Variants in FNTB observed in about 807,000 individuals in gnomAD.
FNTB encodes protein farnesyltransferase subunit beta.
Under a neutral mutation model 59.4 loss-of-function variants are expected in FNTB, and 27 were observed. The ratio of observed to expected loss-of-function variants is 0.45; its 90% CI spans 0.34 to 0.63. The LOEUF is 0.63. Among genes scored for constraint, FNTB ranks in the 20% least tolerant of loss-of-function variants. The pLI is 0.02. For synonymous variants in FNTB, 230 were observed against 220.7 expected, an observed-to-expected ratio of 1.04 and a Z score of -0.37; for missense variants, 449 against 559.6, an observed-to-expected ratio of 0.80 and a Z score of 1.99.
intron 3 of FNTB, among the ~76,000 whole-genome samples, chr14:65,015,002 G>T (rs147667260): frequency 0.015 from 2,332 of 152,084 alleles, 24 homozygotes; most frequent in Middle Eastern, 0.027. Flanking sequence ...CTCCTGGCCT[G>T]TAGGAAGTCC....
At chr14:64,989,902 A>T (rs1888124158) in intron 1 of FNTB, among the ~76,000 whole-genome samples, 1 of 152,066 alleles carries the variant, frequency 6.6e-6, no homozygotes. Flanking sequence ...ACACCTTGGG[A>T]TAGAGGGGAT....
In FNTB at chr14:65,007,430, C is replaced by T. The variant is rs1186358889; in HGVS notation, c.209+3117C>T. On this transcript the variant is annotated intron_variant, in intron 2 of 11. Transcript: ENST00000246166. The surrounding 1 kb of genome is among the most constrained non-coding windows in gnomAD (Gnocchi z 4.9). ...CACACACATGCCCAGGACCACAGACCACGCACAGGTCCAGGGATGCCTGTG... is the reference window on the plus strand; with the variant it reads ...CACACACATGCCCAGGACCACAGACTACGCACAGGTCCAGGGATGCCTGTG... Among the ~76,000 whole-genome samples, 2 of 152,208 alleles carry T rather than the reference C, an allele frequency of 1.3e-5. No homozygotes were observed. Among genetic ancestry groups the T allele is most frequent in the Admixed American group, 6.5e-5 (1 of 15,292 alleles).
At chr14:65,053,422 T>G in intron 10 of FNTB, 73 bp downstream of exon 10, 1 of 1,222,568 alleles carries the variant, frequency 8.2e-7, no homozygotes, top group African/African-American at 1.6e-5. Context: ...TCAGGCCTAC[T>G]CAGAGCCAGA....
intron 1 of FNTB, 105 bp from the exon 2 acceptor site, chr14:65,004,144 C>T: frequency 7.5e-7 from 1 of 1,325,444 alleles, no homozygotes; most frequent in South Asian, 1.4e-5. Context: ...CCAGACCATA[C>T]CAACCAACCC....
chr14:65,039,587 CT>C (rs755917933), intron 7 of FNTB, among the ~76,000 whole-genome samples: 2 of 152,122 alleles, frequency 1.3e-5, no homozygotes, highest in Non-Finnish European at 2.9e-5. Context: ...TTTGTTGCCC[CT>C]CTCCCATCCC....
intron 1 of FNTB, among the ~76,000 whole-genome samples, chr14:65,002,421 C>G (rs1420037811): frequency 6.6e-6 from 1 of 152,100 alleles, no homozygotes; most frequent in Non-Finnish European, 1.5e-5. Context: ...CCAGCCTGGC[C>G]AACATGGTGA....
At chr14:65,036,217 C>G in intron 7 of FNTB, among the ~76,000 whole-genome samples, 1 of 151,968 alleles carries the variant, frequency 6.6e-6, no homozygotes, top group East Asian at 1.9e-4. Flanking sequence ...TGGTGGGATA[C>G]TGAATTTAAT....
chr14:65,055,303 C>T (rs999505037), intron 11 of FNTB, among the ~76,000 whole-genome samples: 1 of 152,122 alleles, frequency 6.6e-6, no homozygotes, highest in African/African-American at 2.4e-5. Flanking sequence ...TAGACGTGAG[C>T]CTGGACATGA....
Position 65,048,723 on chromosome 14 carries a change from C to CA in FNTB, c.955+4281dup, listed in dbSNP as rs1187424273. Among the ~76,000 whole-genome samples, 5 of 152,212 alleles carry CA rather than the reference C, an allele frequency of 3.3e-5. No homozygotes were observed. In the East Asian group the frequency reaches 7.7e-4, roughly 24 times the overall value. Reference sequence around the variant, plus strand: ...AAAAACAGTTAACCAGACATGGTGGCACATGCCTGTAGTCCTAGCTACTCA... The same window carrying CA: ...AAAAACAGTTAACCAGACATGGTGGCAACATGCCTGTAGTCCTAGCTACTCA... On this transcript the variant is annotated intron_variant, in intron 9 of 11. Coordinates refer to ENST00000246166, the MANE Select transcript of FNTB (RefSeq NM_002028.4).
At chr14:65,041,780 C>T (rs2062359963) in intron 8 of FNTB, among the ~76,000 whole-genome samples, 1 of 152,172 alleles carries the variant, frequency 6.6e-6, no homozygotes, top group African/African-American at 2.4e-5. Context: ...CATGCTGAAA[C>T]AGCCAACTTT....
intron 1 of FNTB, among the ~76,000 whole-genome samples, chr14:64,992,138 G>C (rs1463478244): frequency 6.6e-6 from 1 of 152,168 alleles, no homozygotes; most frequent in Non-Finnish European, 1.5e-5. Flanking sequence ...TGCTTGGTTA[G>C]GTGGTCAGTA....
rs2062517285 is a variant in FNTB at position 65,047,860 on chromosome 14, G to A, written c.955+3417G>A. On this transcript the variant is annotated intron_variant, in intron 9 of 11. Coordinates refer to ENST00000246166, the MANE Select transcript of FNTB (RefSeq NM_002028.4). This position sits in a 1 kb window ranked among gnomAD's most constrained non-coding sequence, Gnocchi z 5.2. ...GGGGCGGGGCCTGGAGCAGTGCCTG[G>A]GCACACAGCCCGAGATGTACACAGC... Among the ~76,000 whole-genome samples the A allele has an allele frequency of 6.6e-6, 1 of 151,448 alleles. No homozygotes were observed. Among genetic ancestry groups the A allele is most frequent in the Non-Finnish European group, 1.5e-5 (1 of 67,844 alleles).
In FNTB at chr14:65,007,838, T is replaced by A. The variant is rs2061619076; in HGVS notation, c.209+3525T>A. Reference sequence around the variant, plus strand: ...CCTCGCTCACATGTAGTTTTTAAATTTGTTTTCTCCTGGGCAAGGAGACGG... The same window carrying A: ...CCTCGCTCACATGTAGTTTTTAAATATGTTTTCTCCTGGGCAAGGAGACGG... On this transcript the variant is annotated intron_variant, in intron 2 of 11. Transcript: ENST00000246166. The surrounding 1 kb of genome is among the most constrained non-coding windows in gnomAD (Gnocchi z 4.9). 6.6e-6 allele frequency among the ~76,000 whole-genome samples: 1 copy of A among 152,152 alleles called. No individual in the cohort carries two copies. Among genetic ancestry groups the A allele is most frequent in the Non-Finnish European group, 1.5e-5 (1 of 68,018 alleles).
chr14:64,987,159 C>G, intron 1 of FNTB, 62 bp downstream of exon 1: 2 of 1,590,670 alleles, frequency 1.3e-6, no homozygotes, highest in Non-Finnish European at 1.7e-6. Flanking sequence ...GAGTCCCGTT[C>G]GTAGGGCCGC....
chr14:65,027,865 A>C lies in FNTB; in HGVS notation c.605+84A>C, dbSNP rs2062012301. 2 of 1,562,704 alleles carry C rather than the reference A, an allele frequency of 1.3e-6. No homozygotes were observed. Among genetic ancestry groups the C allele is most frequent in the Admixed American group, 3.6e-5 (2 of 56,082 alleles). ...AGAGATGCCAAGCCTAAGGAACATC[A>C]TGGGGAAGCTGCTGCTTTGTCCCAG... On this transcript the variant is annotated intron_variant, in intron 6 of 11. Transcript: ENST00000246166. This position sits in a 1 kb window ranked among gnomAD's most constrained non-coding sequence, Gnocchi z 5.7.
rs2062424065 is a variant in FNTB, at chr14:65,044,191, G to A, written c.823-120G>A. On this transcript the variant is annotated intron_variant, in intron 8 of 11. Coordinates refer to ENST00000246166, the MANE Select transcript of FNTB (RefSeq NM_002028.4). This position sits in a 1 kb window ranked among gnomAD's most constrained non-coding sequence, Gnocchi z 5.5. ...AGAAAACCAGAGCACCAAAACTAGAGTGCCAAGAAGCCACAAGATGGGAAA... is the reference window on the plus strand; with the variant it reads ...AGAAAACCAGAGCACCAAAACTAGAATGCCAAGAAGCCACAAGATGGGAAA... 1.9e-6 allele frequency: 3 copies of A among 1,547,650 alleles called. No homozygotes were observed. Among genetic ancestry groups the A allele is most frequent in the Non-Finnish European group, 2.6e-6 (3 of 1,137,734 alleles).
At chr14:65,038,302 C>T (rs531846740) in intron 7 of FNTB, among the ~76,000 whole-genome samples, 35 of 151,620 alleles carry the variant, frequency 2.3e-4, no homozygotes, top group African/African-American at 7.5e-4. Context: ...CCCAGCTACT[C>T]GGGAGGCTGA....
intron 4 of FNTB, among the ~76,000 whole-genome samples, chr14:65,019,428 A>G (rs1020190359): frequency 6.1e-5 from 9 of 148,072 alleles, no homozygotes; most frequent in African/African-American, 2.2e-4. Flanking sequence ...CAGAGGTTGC[A>G]GTGAGCCGAG....
chr14:65,050,535 G>C (rs1317437924), intron 9 of FNTB, among the ~76,000 whole-genome samples: 1 of 152,146 alleles, frequency 6.6e-6, no homozygotes, highest in Non-Finnish European at 1.5e-5. Context: ...AGGTTGCAGT[G>C]AGCTGAGATC....
Sources: gnomAD v4.1 joint callset for allele counts (sites outside exome capture counted in the v4.1 genomes callset) on GRCh38, gnomAD v4.1.1 for gene constraint, Gnocchi (gnomAD v3.1) non-coding constraint, MANE v1.5 for transcripts, NCBI Gene and HGNC (gene_info 2026-07-23, HGNC 2026-07-21) for gene names.